The following CSMD1 variants were observed in gnomAD, a reference collection of about 807,000 sequenced individuals.
CSMD1 encodes the protein CUB and Sushi multiple domains 1.
Under a neutral mutation model 417.5 loss-of-function variants are expected in CSMD1, and 213 were observed. The ratio of observed to expected loss-of-function variants is 0.51; its 90% CI spans 0.46 to 0.57. The LOEUF (loss-of-function observed/expected upper bound fraction) is 0.57. Ranked by LOEUF, CSMD1 falls within the 20% of genes least tolerant of loss-of-function variation. The probability of loss-of-function intolerance (pLI) is 0.00; values close to 1 mark genes in which losing one functional copy is unlikely to be tolerated. For missense variants in CSMD1, 6,923 were observed against 4,529.7 expected (o/e 1.53, Z -15.17); for synonymous variants, 2,862 against 1,736.8 (o/e 1.65, Z -16.11).
At chr8:4,440,020 G>T (rs1001610414) in intron 2 of CSMD1, among the ~76,000 whole-genome samples, 2 of 152,148 alleles carry the variant, frequency 1.3e-5, no homozygotes, top group Non-Finnish European at 2.9e-5. Context: ...ATTTTCCTAA[G>T]AGTTAAGAAG....
intron 15 of CSMD1, among the ~76,000 whole-genome samples, chr8:3,403,950 T>G (rs1285315000): frequency 6.6e-6 from 1 of 152,206 alleles, no homozygotes; most frequent in Non-Finnish European, 1.5e-5. Flanking sequence ...AGGGTTTTGT[T>G]GCCCTTCTAT....
intron 5 of CSMD1, among the ~76,000 whole-genome samples, chr8:3,875,473 C>A (rs949498637): frequency 6.6e-6 from 1 of 152,026 alleles, no homozygotes; most frequent in Admixed American, 6.6e-5. Context: ...AAAGCCCGAA[C>A]TGGGTTCCGA....
intron 3 of CSMD1, among the ~76,000 whole-genome samples, chr8:4,269,820 A>C (rs1469167039): frequency 2.0e-5 from 3 of 152,200 alleles, no homozygotes; most frequent in Non-Finnish European, 2.9e-5. Flanking sequence ...TCTCAGAATT[A>C]CAAGTAGTGC....
At chr8:4,377,888 G>T (rs533570654) in intron 3 of CSMD1, among the ~76,000 whole-genome samples, 1 of 152,166 alleles carries the variant, frequency 6.6e-6, no homozygotes, top group African/African-American at 2.4e-5. Context: ...AATTGAATTA[G>T]TATGGATTAC....
chr8:4,081,046 G>A (rs374616722), intron 3 of CSMD1, among the ~76,000 whole-genome samples: 1 of 152,120 alleles, frequency 6.6e-6, no homozygotes, highest in Non-Finnish European at 1.5e-5. Context: ...GGGACACAAA[G>A]TTCATCCCCT....
intron 26 of CSMD1, among the ~76,000 whole-genome samples, chr8:3,247,857 A>T (rs73185565): frequency 6.6e-6 from 1 of 152,214 alleles, no homozygotes. Context: ...TCAATAATTC[A>T]CAAGGGGGGA....
intron 50 of CSMD1, among the ~76,000 whole-genome samples, chr8:3,050,846 C>G (rs1380427918): frequency 6.6e-6 from 1 of 152,052 alleles, no homozygotes; most frequent in Non-Finnish European, 1.5e-5. Flanking sequence ...ATACTGTAGA[C>G]AAAAAGAAGC....
intron 41 of CSMD1, among the ~76,000 whole-genome samples, chr8:3,142,009 G>A (rs1033745721): frequency 2.6e-5 from 4 of 152,056 alleles, no homozygotes; most frequent in Admixed American, 2.6e-4. Flanking sequence ...GTGTTAGCCA[G>A]GATGGTCTCG....
At position 3,110,176 on chromosome 8, in the gene CSMD1, T is replaced by G; in HGVS notation, c.6590A>C (p.Asn2197Thr). The G allele has an allele frequency of 6.2e-7, 1 of 1,608,818 alleles. No homozygotes were observed. Among genetic ancestry groups the G allele is most frequent in the Non-Finnish European group, 8.5e-7 (1 of 1,177,838 alleles). ...NFTLLQTEAV[N>T]DYIAVWDGPD... Reference sequence around the variant, plus strand: ...CTCATACCAAACAGCAATGTAATCGTTGACAGCTTCCGTCTGTAACAGGGT... The same window carrying G: ...CTCATACCAAACAGCAATGTAATCGGTGACAGCTTCCGTCTGTAACAGGGT... The change falls in exon 43 of 70, where the codon AAC (asparagine) becomes ACC (threonine). Residue 2197 changes from asparagine to threonine, a missense_variant. By Grantham distance (65) the Asn-to-Thr change is moderately conservative. Transcript: ENST00000635120.
At chr8:4,263,595 A>G (rs1263003567) in intron 3 of CSMD1, among the ~76,000 whole-genome samples, 1 of 152,150 alleles carries the variant, frequency 6.6e-6, no homozygotes, top group Non-Finnish European at 1.5e-5. Flanking sequence ...ATTTTCACTG[A>G]CCTTCAACAA....
intron 7 of CSMD1, among the ~76,000 whole-genome samples, chr8:3,637,587 C>G (rs1797111917): frequency 6.6e-6 from 1 of 152,056 alleles, no homozygotes; most frequent in Non-Finnish European, 1.5e-5. Flanking sequence ...AAAATATTGA[C>G]TACTATTTTG....
rs908036046 is a variant in CSMD1, at chr8:4,263,401, C to G, written c.415+156552G>C. 3.3e-5 allele frequency among the ~76,000 whole-genome samples: 5 copies of G among 152,172 alleles called. 1 individual carries two copies. In the South Asian group the frequency reaches 6.2e-4, roughly 19 times the overall value. ...TAAAAAACCTGCTTTGACCACATTTCTATTACATTCAGGTAAACAAAAACA... is the reference window on the plus strand; with the variant it reads ...TAAAAAACCTGCTTTGACCACATTTGTATTACATTCAGGTAAACAAAAACA... On this transcript the variant is annotated intron_variant, in intron 3 of 69. Coordinates refer to ENST00000635120, the MANE Select transcript of CSMD1 (RefSeq NM_033225.6).
intron 7 of CSMD1, among the ~76,000 whole-genome samples, chr8:3,632,196 A>G (rs112545445): frequency 1.8e-4 from 27 of 152,362 alleles, no homozygotes; most frequent in African/African-American, 5.3e-4. Flanking sequence ...AGGCAGAACT[A>G]CTTTGGCAAT....
At chr8:4,173,407 C>G (rs193268479) in intron 3 of CSMD1, among the ~76,000 whole-genome samples, 15 of 152,052 alleles carry the variant, frequency 9.9e-5, no homozygotes, top group Admixed American at 3.3e-4. Flanking sequence ...TTGCATTTAA[C>G]GTGGTGACTA....
intron 1 of CSMD1, among the ~76,000 whole-genome samples, chr8:4,895,355 G>A (rs6558934): frequency 0.9 from 137,159 of 152,076 alleles, 62,205 homozygotes; most frequent in East Asian, 0.97. Context: ...TAATGTAAGT[G>A]TAACAGCATG....
chr8:3,092,776 G>C (rs1188650484), intron 47 of CSMD1, among the ~76,000 whole-genome samples: 1 of 152,140 alleles, frequency 6.6e-6, no homozygotes, highest in African/African-American at 2.4e-5. Flanking sequence ...TGGCACTGGG[G>C]CTTGCCAACA....
intron 1 of CSMD1, among the ~76,000 whole-genome samples, chr8:4,980,729 C>T (rs1279270056): frequency 6.6e-6 from 1 of 151,840 alleles, no homozygotes; most frequent in African/African-American, 2.4e-5. Flanking sequence ...AGGACAAGAC[C>T]CTGTCTCTGC....
In CSMD1 at chr8:4,916,923, T is replaced by G. The variant is rs554886912; in HGVS notation, c.85+77409A>C. On this transcript the variant is annotated intron_variant, in intron 1 of 69. Coordinates refer to ENST00000635120, the MANE Select transcript of CSMD1 (RefSeq NM_033225.6). ...GACTGGTGATGGATACCAACATTCA[T>G]GTCAACAGGGTGTGAGACATGTCAT... 5.3e-5 allele frequency among the ~76,000 whole-genome samples: 8 copies of G among 152,368 alleles called. No homozygotes were observed. In the South Asian group the frequency reaches 1.4e-3, roughly 28 times the overall value.
chr8:3,325,809 G>C (rs764942014), intron 23 of CSMD1, among the ~76,000 whole-genome samples: 3 of 152,176 alleles, frequency 2.0e-5, no homozygotes, highest in Admixed American at 1.3e-4. Context: ...GGGCGACAGA[G>C]TGAGGCTCCG....
Sources: gnomAD v4.1 joint callset for allele counts (sites outside exome capture counted in the v4.1 genomes callset) on GRCh38, gnomAD v4.1.1 for gene constraint, MANE v1.5 for transcripts, NCBI Gene and HGNC (gene_info 2026-07-23, HGNC 2026-07-21) for gene names.